KIF26B: variants seen among roughly 807,000 people sequenced by gnomAD.
The protein encoded by KIF26B is kinesin-like protein KIF26B.
Under a neutral mutation model 151.2 loss-of-function variants are expected in KIF26B, and 63 were observed. That is an observed-to-expected ratio of 0.42 (90% CI 0.34 to 0.51). The LOEUF is 0.51. Ranked by LOEUF, KIF26B falls within the 20% of genes least tolerant of loss-of-function variation. KIF26B has a pLI of 0.07. For synonymous variants in KIF26B, 1,357 were observed against 1,262.1 expected (o/e 1.08, Z -1.59); for missense variants, 2,813 against 2,913.6 (o/e 0.97, Z 0.79).
intron 4 of KIF26B, among the ~76,000 whole-genome samples, chr1:245,470,645 T>C (rs1659891675): frequency 6.6e-6 from 1 of 152,028 alleles, no homozygotes; most frequent in Non-Finnish European, 1.5e-5. Context: ...TTAGCCAGGA[T>C]GGTCTCCATC....
intron 6 of KIF26B, 145 bp from the exon 7 acceptor site, chr1:245,607,506 A>T (rs2043468566): frequency 1.4e-5 from 9 of 621,174 alleles, no homozygotes; most frequent in Non-Finnish European, 2.5e-5. Flanking sequence ...GAGCATCTCC[A>T]AAACTTCACG....
chr1:245,625,595 C>T (rs2043715547), intron 9 of KIF26B, among the ~76,000 whole-genome samples: 2 of 152,138 alleles, frequency 1.3e-5, no homozygotes, highest in South Asian at 4.2e-4. Context: ...GGAGATTCAT[C>T]ACCTCAGTTA....
chr1:245,582,927 T>C (rs1210729080), intron 5 of KIF26B, among the ~76,000 whole-genome samples: 2 of 151,986 alleles, frequency 1.3e-5, no homozygotes, highest in African/African-American at 2.4e-5. Context: ...GCATCCTTCC[T>C]CTCTCCCTGC....
At chr1:245,619,004 A>G (rs2043626646) in intron 9 of KIF26B, among the ~76,000 whole-genome samples, 1 of 144,384 alleles carries the variant, frequency 6.9e-6, no homozygotes, top group African/African-American at 2.7e-5. Flanking sequence ...CTATTAGACT[A>G]TAGGTTCCTT....
At chr1:245,233,669 C>T (rs931267362) in intron 2 of KIF26B, among the ~76,000 whole-genome samples, 3 of 152,156 alleles carry the variant, frequency 2.0e-5, no homozygotes, top group African/African-American at 7.2e-5. Flanking sequence ...TCTTAACTAA[C>T]CACAGACACA....
intron 4 of KIF26B, among the ~76,000 whole-genome samples, chr1:245,473,877 C>T (rs753788483): frequency 2.0e-5 from 3 of 151,694 alleles, no homozygotes; most frequent in South Asian, 2.1e-4. Flanking sequence ...TCTGCTCTCT[C>T]GGTTTTTTTA....
chr1:245,422,922 G>T (rs1658524189), intron 4 of KIF26B, among the ~76,000 whole-genome samples: 1 of 151,862 alleles, frequency 6.6e-6, no homozygotes, highest in South Asian at 2.1e-4. Flanking sequence ...AACATGGTGA[G>T]ACCCCGTCTC....
At chr1:245,376,292 C>T (rs1301819288) in intron 3 of KIF26B, among the ~76,000 whole-genome samples, 1 of 152,128 alleles carries the variant, frequency 6.6e-6, no homozygotes, top group Non-Finnish European at 1.5e-5. Flanking sequence ...TGAGTGTTTG[C>T]TGGTATCACG....
At chr1:245,401,886 CAAAG>C (rs1451087795) in intron 3 of KIF26B, among the ~76,000 whole-genome samples, 13 of 112,096 alleles carry the variant, frequency 1.2e-4, no homozygotes, top group South Asian at 4.9e-4. Context: ...AACAAACAAA[CAAAG>C]AAACACACAC....
chr1:245,247,244 A>G (rs956858756), intron 2 of KIF26B, among the ~76,000 whole-genome samples: 1 of 150,818 alleles, frequency 6.6e-6, no homozygotes, highest in African/African-American at 2.4e-5. Context: ...TGAGGTCAGG[A>G]GTTTGAGACC....
At chr1:245,333,681 A>C (rs1311948042) in intron 2 of KIF26B, among the ~76,000 whole-genome samples, 1 of 152,146 alleles carries the variant, frequency 6.6e-6, no homozygotes, top group Non-Finnish European at 1.5e-5. Flanking sequence ...CCTAACCTTG[A>C]ACCTCTCCAG....
intron 4 of KIF26B, among the ~76,000 whole-genome samples, chr1:245,491,892 A>G (rs1318280311): frequency 6.6e-6 from 1 of 151,962 alleles, no homozygotes. Context: ...TGGGCAACAG[A>G]GCAGATAATC....
chr1:245,577,563 T>C (rs1411508351), intron 5 of KIF26B, among the ~76,000 whole-genome samples: 1 of 151,856 alleles, frequency 6.6e-6, no homozygotes, highest in East Asian at 1.9e-4. Flanking sequence ...AAGAGCTTTG[T>C]TGAACTCCAG....
At chr1:245,224,166 T>C (rs995118724) in intron 2 of KIF26B, among the ~76,000 whole-genome samples, 2 of 151,944 alleles carry the variant, frequency 1.3e-5, no homozygotes, top group African/African-American at 4.8e-5. Context: ...GTGCCTGTAA[T>C]CCCAGCTACT....
chr1:245,309,527 G>A (rs1438122673), intron 2 of KIF26B, among the ~76,000 whole-genome samples: 1 of 151,880 alleles, frequency 6.6e-6, no homozygotes, highest in Non-Finnish European at 1.5e-5. Flanking sequence ...CAGCCCTTTG[G>A]ACTACCACTG....
At chr1:245,380,261 T>C (rs540832073) in intron 3 of KIF26B, among the ~76,000 whole-genome samples, 2 of 152,312 alleles carry the variant, frequency 1.3e-5, no homozygotes, top group African/African-American at 2.4e-5. Context: ...TATCCCTCCA[T>C]TGCTCATCTG....
intron 5 of KIF26B, among the ~76,000 whole-genome samples, chr1:245,561,990 T>A (rs2042959211): frequency 6.6e-6 from 1 of 152,140 alleles, no homozygotes; most frequent in Admixed American, 6.5e-5. Flanking sequence ...CACTCTTCAG[T>A]GGTTTCTCCC....
At chr1:245,485,971 C>A (rs753193710) in intron 4 of KIF26B, among the ~76,000 whole-genome samples, 1 of 152,160 alleles carries the variant, frequency 6.6e-6, no homozygotes, top group Non-Finnish European at 1.5e-5. Flanking sequence ...TGGTGGCAAC[C>A]CCGTCCTCCA....
chr1:245,379,697 G>A (rs182295152), intron 3 of KIF26B, among the ~76,000 whole-genome samples: 3 of 151,798 alleles, frequency 2.0e-5, no homozygotes, highest in African/African-American at 4.8e-5. Flanking sequence ...TCGGCTGGTC[G>A]CGGTGGCTCA....
Sources: gnomAD v4.1 joint callset for allele counts (sites outside exome capture counted in the v4.1 genomes callset) on GRCh38, gnomAD v4.1.1 for gene constraint, MANE v1.5 for transcripts, NCBI Gene and HGNC (gene_info 2026-07-23, HGNC 2026-07-21) for gene names.